The following FGF14 variants were observed in gnomAD, a reference collection of about 807,000 sequenced individuals.
FGF14 encodes the protein fibroblast growth factor 14.
FGF14 carries 5 observed loss-of-function variants against 25.5 expected under a neutral mutation model. The ratio of observed to expected loss-of-function variants is 0.20; its 90% CI spans 0.10 to 0.41. The LOEUF (loss-of-function observed/expected upper bound fraction) is 0.41. FGF14 is among the 10% of genes least tolerant of loss of function. The pLI is 1.00. For missense variants in FGF14, 222 were observed against 320.1 expected (o/e 0.69, Z 2.34); for synonymous variants, 138 against 118.3 (o/e 1.17, Z -1.08).
At chr13:101,888,066 T>G (rs1048649988) in intron 1 of FGF14, among the ~76,000 whole-genome samples, 1 of 152,172 alleles carries the variant, frequency 6.6e-6, no homozygotes, top group Non-Finnish European at 1.5e-5. Context: ...GTCCAAAGTA[T>G]TTTTTGAAGA....
At chr13:102,086,513 G>A (rs186203248) in intron 1 of FGF14, among the ~76,000 whole-genome samples, 1 of 152,134 alleles carries the variant, frequency 6.6e-6, no homozygotes, top group Admixed American at 6.5e-5. Flanking sequence ...CTGGGCGACA[G>A]AGAGAGACTC....
At chr13:101,895,743 A>G (rs908191367) in intron 1 of FGF14, among the ~76,000 whole-genome samples, 6 of 152,356 alleles carry the variant, frequency 3.9e-5, no homozygotes, top group African/African-American at 1.4e-4. Context: ...CTATTTAGAG[A>G]CAAAAATGAA....
intron 3 of FGF14, among the ~76,000 whole-genome samples, chr13:101,728,908 C>T (rs962594924): frequency 6.6e-6 from 1 of 152,030 alleles, no homozygotes; most frequent in African/African-American, 2.4e-5. Flanking sequence ...CCATAATGTC[C>T]AAAACATGAA....
At chr13:102,229,327 A>T (rs1229575059) in intron 1 of FGF14, among the ~76,000 whole-genome samples, 1 of 152,224 alleles carries the variant, frequency 6.6e-6, no homozygotes, top group African/African-American at 2.4e-5. Context: ...TCCATGCAGA[A>T]AATCTCACAT....
At chr13:101,814,693 G>A (rs1033555011) in intron 3 of FGF14, among the ~76,000 whole-genome samples, 2 of 152,094 alleles carry the variant, frequency 1.3e-5, no homozygotes, top group South Asian at 4.1e-4. Flanking sequence ...TTCATGCTTG[G>A]CTTCTTTCAC....
chr13:102,370,179 G>T (rs1594971002), intron 1 of FGF14, among the ~76,000 whole-genome samples: 2 of 151,928 alleles, frequency 1.3e-5, no homozygotes, highest in South Asian at 4.2e-4. Flanking sequence ...TTTTTGTAGA[G>T]ACAGGGTTTC....
At chr13:102,232,658 T>G (rs1287401715) in intron 1 of FGF14, among the ~76,000 whole-genome samples, 1 of 152,216 alleles carries the variant, frequency 6.6e-6, no homozygotes, top group Non-Finnish European at 1.5e-5. Flanking sequence ...ATTCCCTTAG[T>G]ATAGCTAATG....
chr13:102,055,968 C>T (rs1295742135), intron 1 of FGF14, among the ~76,000 whole-genome samples: 2 of 152,172 alleles, frequency 1.3e-5, no homozygotes, highest in African/African-American at 2.4e-5. Context: ...AAAACCATCA[C>T]ATCTTATGAG....
chr13:102,343,076 T>C (rs1170736323), intron 1 of FGF14, among the ~76,000 whole-genome samples: 1 of 152,164 alleles, frequency 6.6e-6, no homozygotes, highest in East Asian at 1.9e-4. Flanking sequence ...CAGTCAATAG[T>C]TTTGACTCTG....
intron 3 of FGF14, among the ~76,000 whole-genome samples, chr13:101,755,875 A>G (rs967464741): frequency 2.0e-5 from 3 of 152,216 alleles, no homozygotes; most frequent in African/African-American, 7.2e-5. Flanking sequence ...TACACTTTTC[A>G]AGAACGTCTT....
At chr13:101,945,367 T>C (rs1173939138) in intron 1 of FGF14, among the ~76,000 whole-genome samples, 1 of 152,162 alleles carries the variant, frequency 6.6e-6, no homozygotes, top group Non-Finnish European at 1.5e-5. Context: ...TAACACAATT[T>C]TAAGAAAAAA....
intron 1 of FGF14, among the ~76,000 whole-genome samples, chr13:102,008,179 T>C (rs2039902526): frequency 6.6e-6 from 1 of 152,190 alleles, no homozygotes; most frequent in Non-Finnish European, 1.5e-5. Context: ...GCCATCTAAT[T>C]GGTGTGTATC....
chr13:102,350,256 C>T (rs950331360), intron 1 of FGF14, among the ~76,000 whole-genome samples: 8 of 152,118 alleles, frequency 5.3e-5, no homozygotes, highest in African/African-American at 1.9e-4. Flanking sequence ...GTAGTCCCAG[C>T]TACTCAGGAT....
intron 1 of FGF14, among the ~76,000 whole-genome samples, chr13:102,361,737 AAAAC>A (rs2057572485): frequency 6.6e-6 from 1 of 152,218 alleles, no homozygotes; most frequent in African/African-American, 2.4e-5. Flanking sequence ...CTAGACCCTT[AAAAC>A]AACTTCAGAT....
upstream of FGF14, among the ~76,000 whole-genome samples, chr13:101,917,178 C>T (rs1027552629): frequency 9.3e-5 from 14 of 150,448 alleles, 1 homozygote; most frequent in South Asian, 1.9e-3. Context: ...GTGCCGCCGC[C>T]GGCGCCGCCC....
intron 3 of FGF14, among the ~76,000 whole-genome samples, chr13:101,837,267 T>C (rs1017552399): frequency 6.6e-6 from 1 of 152,048 alleles, no homozygotes; most frequent in East Asian, 1.9e-4. Flanking sequence ...ATTCTCTAGT[T>C]ATTTTCTCAT....
intron 1 of FGF14, among the ~76,000 whole-genome samples, chr13:102,309,157 C>CACACACACACAT (rs1383829060): frequency 6.6e-6 from 1 of 151,418 alleles, no homozygotes; most frequent in East Asian, 1.9e-4. Flanking sequence ...CACACACACA[C>CACACACACACAT]ACACACACAC....
chr13:101,827,434 T>G (rs2042441858), intron 3 of FGF14, among the ~76,000 whole-genome samples: 1 of 151,956 alleles, frequency 6.6e-6, no homozygotes, highest in Admixed American at 6.6e-5. Flanking sequence ...TGAGTTTTTA[T>G]ATTTGTATTT....
intron 3 of FGF14, among the ~76,000 whole-genome samples, chr13:101,835,158 A>C (rs2042861673): frequency 6.6e-6 from 1 of 152,052 alleles, no homozygotes; most frequent in Admixed American, 6.6e-5. Flanking sequence ...GATACATTGG[A>C]GTTGGAAATA....
Sources: gnomAD v4.1 joint callset for allele counts (sites outside exome capture counted in the v4.1 genomes callset) on GRCh38, gnomAD v4.1.1 for gene constraint, MANE v1.5 for transcripts, NCBI Gene and HGNC (gene_info 2026-07-23, HGNC 2026-07-21) for gene names.